The following MDN1 variants were observed in gnomAD, a reference collection of about 807,000 sequenced individuals.
MDN1 encodes midasin.
Under a neutral mutation model 669.2 loss-of-function variants are expected in MDN1, and 266 were observed. That is an observed-to-expected ratio of 0.40 (90% CI 0.36 to 0.44). The LOEUF (loss-of-function observed/expected upper bound fraction) is 0.44, where lower values mean the gene tolerates loss of function less well. MDN1 is among the 20% of genes least tolerant of loss of function. MDN1 has a pLI of 1.00. For missense variants in MDN1, 5,940 were observed against 6,754.0 expected, an observed-to-expected ratio of 0.88 and a Z score of 4.22; for synonymous variants, 2,385 against 2,457.1, an observed-to-expected ratio of 0.97 and a Z score of 0.87.
chr6:89,691,462 C>T (rs889489364), intron 63 of MDN1, among the ~76,000 whole-genome samples: 1 of 152,124 alleles, frequency 6.6e-6, no homozygotes, highest in Non-Finnish European at 1.5e-5. Context: ...AATCTTTGTC[C>T]CAGCAATCCT....
At chr6:89,682,306 A>G (rs1258302700) in intron 73 of MDN1, among the ~76,000 whole-genome samples, 1 of 152,230 alleles carries the variant, frequency 6.6e-6, no homozygotes, top group Admixed American at 6.5e-5. Flanking sequence ...GTAAAAGCAC[A>G]ATTATTTCTC....
At chr6:89,753,405 T>C in intron 22 of MDN1, 107 bp downstream of exon 22, 1 of 828,770 alleles carries the variant, frequency 1.2e-6, no homozygotes. Context: ...TGCAACAGAT[T>C]ACCTTTATAA....
At chr6:89,719,576 G>A (rs79206956) in intron 40 of MDN1, among the ~76,000 whole-genome samples, 1,951 of 152,236 alleles carry the variant, frequency 0.013, 17 homozygotes, top group Non-Finnish European at 0.021. Context: ...CTAAAAAGAG[G>A]ATAGAACAGT....
chr6:89,744,943 G>A lies in MDN1; in HGVS notation c.4178+330C>T, dbSNP rs571385209. The stretch of plus-strand genomic sequence containing the variant: ...ACAAAGAACCTAGTCTGAAGGTAGA[G>A]GAAACTAAACAGTAACAGATCTTAG... On this transcript the variant is annotated intron_variant, in intron 29 of 101. Coordinates refer to ENST00000369393, the MANE Select transcript of MDN1 (RefSeq NM_014611.3). Among the ~76,000 whole-genome samples, 3 of 150,784 alleles carry A rather than the reference G, an allele frequency of 2.0e-5. No homozygotes were observed. The South Asian group carries it at 6.3e-4, about 32-fold the overall frequency.
intron 15 of MDN1, 75 bp from the exon 16 acceptor site, chr6:89,762,605 C>CA: frequency 9.5e-7 from 1 of 1,047,486 alleles, no homozygotes; most frequent in Non-Finnish European, 1.4e-6. Flanking sequence ...GCTCAGAAAA[C>CA]AGGAGTAGGT....
At chr6:89,711,231 CCT>C (rs1241624585) in intron 49 of MDN1, among the ~76,000 whole-genome samples, 4 of 152,142 alleles carry the variant, frequency 2.6e-5, no homozygotes, top group Non-Finnish European at 4.4e-5. Flanking sequence ...GTTGCTTTGT[CCT>C]CTCTTAAAAC....
intron 62 of MDN1, 92 bp downstream of exon 62, chr6:89,693,982 T>C: frequency 1.0e-6 from 1 of 971,712 alleles, no homozygotes; most frequent in Middle Eastern, 2.1e-4. Flanking sequence ...AGTTTAGAGG[T>C]GTATATTATC....
intron 19 of MDN1, among the ~76,000 whole-genome samples, chr6:89,757,717 A>G (rs1164926458): frequency 6.6e-6 from 1 of 152,080 alleles, no homozygotes; most frequent in Non-Finnish European, 1.5e-5. Context: ...AGACCAGCCT[A>G]GGCAACATGG....
chr6:89,689,943 C>T lies in MDN1; in HGVS notation c.10950G>A (p.Lys3650=), dbSNP rs775458029. 2 of 1,614,192 alleles carry T rather than the reference C, an allele frequency of 1.2e-6. No individual in the cohort carries two copies. The highest frequency in any genetic ancestry group is 2.2e-5 in the South Asian group (2 of 91,086). Residue 3650 remains lysine, a synonymous_variant, in exon 65 of 102, where the codon AAG becomes AAA. Coordinates refer to ENST00000369393, the MANE Select transcript of MDN1 (RefSeq NM_014611.3). ...YQQTLPPHEA[K]HYLSLFLSCY... ...AAGACAGAAACAGGCTGAGGTAATG[C>T]TTTGCTTCATGTGGCGGCAGAGTCT...
Position 89,644,197 on chromosome 6 carries a change from TCAA to T in MDN1, c.16603-7_16603-5del. On this transcript the variant is annotated splice_region_variant and splice_polypyrimidine_tract_variant and intron_variant, in intron 101 of 101. Transcript: ENST00000369393. The stretch of plus-strand genomic sequence containing the variant: ...CTTTAATGTCCAAGATAGAATCCTG[TCAA>T]CAAAAGACATTTTGAAATGGGGAGG... The T allele has an allele frequency of 6.2e-7, 1 of 1,601,992 alleles. No individual in the cohort carries two copies. Among genetic ancestry groups the T allele is most frequent in the South Asian group, 1.1e-5 (1 of 89,112 alleles).
At chr6:89,751,035 T>G (rs1228080870) in intron 23 of MDN1, among the ~76,000 whole-genome samples, 1 of 152,166 alleles carries the variant, frequency 6.6e-6, no homozygotes, top group Non-Finnish European at 1.5e-5. Context: ...AAGAACATTT[T>G]TATTCCTATA....
At chr6:89,651,711 C>T (rs1808883755) in intron 95 of MDN1, among the ~76,000 whole-genome samples, 1 of 152,202 alleles carries the variant, frequency 6.6e-6, no homozygotes, top group Non-Finnish European at 1.5e-5. Context: ...TATGGCAGAG[C>T]ACTGAATACA....
chr6:89,780,766 G>A (rs527698709), intron 10 of MDN1, among the ~76,000 whole-genome samples: 7 of 148,792 alleles, frequency 4.7e-5, no homozygotes, highest in South Asian at 4.3e-4. Context: ...TCAGCCTCCC[G>A]AGTAGCTGGG....
chr6:89,643,855 G>T lies in MDN1; in HGVS notation c.*150C>A. ...AACCTCAGCCCAGGCAAAGCCGGGA[G>T]CCAGAGAGCATTCTGTAGGCTGTAA... On this transcript the variant is annotated 3_prime_UTR_variant, in exon 102 of 102. Transcript: ENST00000369393. 1 of 684,384 alleles carries T rather than the reference G, an allele frequency of 1.5e-6. No homozygotes were observed. Among genetic ancestry groups the T allele is most frequent in the Non-Finnish European group, 2.2e-6 (1 of 445,090 alleles). The allele number at this position is 684,384 out of a possible 1,614,324, so 42.4% of individuals were successfully genotyped here. A position where few individuals can be genotyped will look rare whatever the true frequency, so the allele number is the denominator to read the frequency against.
At chr6:89,799,196 G>T (rs796212159) in intron 2 of MDN1, among the ~76,000 whole-genome samples, 7 of 152,286 alleles carry the variant, frequency 4.6e-5, no homozygotes, top group African/African-American at 1.7e-4. Context: ...AAAAGAAAGT[G>T]CATGCTCCAC....
Position 89,656,734 on chromosome 6 carries a change from A to G in MDN1, c.15251T>C (p.Leu5084Ser). 2 of 1,613,390 alleles carry G rather than the reference A, an allele frequency of 1.2e-6. No homozygotes were observed. The highest frequency in any genetic ancestry group is 1.7e-6 in the Non-Finnish European group (2 of 1,179,670). The change falls in exon 91 of 102, where the codon TTG (leucine) becomes TCG (serine). Residue 5084 changes from leucine to serine, a missense_variant. Coordinates refer to ENST00000369393, the MANE Select transcript of MDN1 (RefSeq NM_014611.3). ...TTTCCTGGTGTGCTTCTGGGAGGCC[A>G]ACTGGGCAATGAAATTCGATTCATG... is the stretch of plus-strand genomic sequence containing the variant. ...EGHESNFIAQ[L>S]ASQKHTRKNT...
chr6:89,693,819 C>T (rs1562099724), intron 62 of MDN1, among the ~76,000 whole-genome samples: 1 of 152,218 alleles, frequency 6.6e-6, no homozygotes, highest in Non-Finnish European at 1.5e-5. Flanking sequence ...CATACTATCA[C>T]ACCCCACTTC....
chr6:89,730,710 T>G lies in MDN1; in HGVS notation c.5140+16A>C, dbSNP rs1364360775. On this transcript the variant is annotated intron_variant, in intron 35 of 101. Transcript: ENST00000369393. ...CTATAGAAAAGGAAAATTCATTTTT[T>G]AAAAATCATTCTTACCCCTTGGTAT... The G allele has an allele frequency of 3.8e-6, 6 of 1,599,900 alleles. No homozygotes were observed. In the East Asian group the frequency reaches 1.3e-4, roughly 36 times the overall value.
rs1255759562 is a variant in MDN1, at chr6:89,656,895, G to A, written c.15184-94C>T. The A allele has an allele frequency of 1.1e-5, 11 of 1,045,832 alleles. No homozygotes were observed. In the East Asian group the frequency reaches 2.7e-4, roughly 25 times the overall value. The allele number at this position is 1,045,832 out of a possible 1,614,324, so 64.8% of individuals were successfully genotyped here. ...ATTGAATACAACTTCTCTCACTGCT[G>A]TCCTTTATTCTCAGTCATATAATCA... On this transcript the variant is annotated intron_variant, in intron 90 of 101. Coordinates refer to ENST00000369393, the MANE Select transcript of MDN1 (RefSeq NM_014611.3).
Sources: allele counts gnomAD v4.1 joint callset (sites outside exome capture counted in the v4.1 genomes callset), GRCh38; gene constraint gnomAD v4.1.1; transcripts MANE v1.5; gene names NCBI Gene and HGNC (gene_info 2026-07-23, HGNC 2026-07-21).